Variants in STAMBP observed in about 807,000 individuals in gnomAD.
The protein encoded by STAMBP is STAM binding protein, also known as STAM-binding protein.
Under a neutral mutation model 50.7 loss-of-function variants are expected in STAMBP, and 31 were observed. That is an observed-to-expected ratio of 0.61 (90% CI 0.46 to 0.83). The LOEUF (loss-of-function observed/expected upper bound fraction) is 0.83, where lower values mean the gene tolerates loss of function less well. STAMBP is among the 40% of genes least tolerant of loss of function. The pLI is 0.00. For missense variants in STAMBP, 472 were observed against 518.9 expected (o/e 0.91, Z 0.88); for synonymous variants, 211 against 192.4 (o/e 1.10, Z -0.80).
chr2:73,847,275 C>G, intron 4 of STAMBP, 112 bp from the exon 5 acceptor site: 1 of 1,325,780 alleles, frequency 7.5e-7, no homozygotes, highest in Non-Finnish European at 1.0e-6. Context: ...GTTAGGTAAT[C>G]AGGCCACAGC....
chr2:73,849,496 A>G lies in STAMBP; in HGVS notation c.867+9A>G, dbSNP rs775063414. On this transcript the variant is annotated intron_variant, in intron 6 of 9. Transcript: ENST00000394070. ...TTCTCTGTGGAAAACTGGTAAAAAG[A>G]AAAAAAAAACCAAACTCTTCTCTGA... 321 of 1,510,138 alleles carry G rather than the reference A, an allele frequency of 2.1e-4. No homozygotes were observed. The highest frequency in any genetic ancestry group is 2.6e-4 in the Non-Finnish European group (289 of 1,121,030). 93.5% of individuals were successfully genotyped at this position (1,510,138 alleles called of 1,614,324 possible).
intron 2 of STAMBP, among the ~76,000 whole-genome samples, chr2:73,842,707 C>T (rs1675552460): frequency 6.6e-6 from 1 of 152,132 alleles, no homozygotes; most frequent in Non-Finnish European, 1.5e-5. Flanking sequence ...CTTAAAGTCA[C>T]AATTTCCAAG....
chr2:73,845,187 T>C lies in STAMBP; in HGVS notation c.300T>C (p.Phe100=). The change falls in exon 4 of 10, where the codon TTT becomes TTC. Residue 100 remains phenylalanine, a synonymous_variant. Transcript: ENST00000394070. The stretch of plus-strand genomic sequence containing the variant: ...CTCAGAAATTAAAGGAGATTGCATT[T>C]CCCAAAGCAGAAGAGCTGAAGGCAG... ...DTVKKLKEIA[F]PKAEELKAEL... 18 of 1,614,056 alleles carry C rather than the reference T, an allele frequency of 1.1e-5. 1 individual carries two copies. The South Asian group carries it at 2.0e-4, about 18-fold the overall frequency.
chr2:73,869,566 G>A (rs1332690198), downstream of STAMBP, among the ~76,000 whole-genome samples: 1 of 151,874 alleles, frequency 6.6e-6, no homozygotes, highest in Non-Finnish European at 1.5e-5. Flanking sequence ...AAAATTGAAA[G>A]AAAAAAAGAA....
Position 73,829,256 on chromosome 2 carries a change from CTTGAGTGCCTT to C in STAMBP, c.-266_-256del, listed in dbSNP as rs1673584937. 2 of 152,368 alleles carry C rather than the reference CTTGAGTGCCTT, an allele frequency of 1.3e-5. No individual in the cohort carries two copies. The highest frequency in any genetic ancestry group is 4.8e-5 in the African/African-American group (2 of 41,460). The allele number at this position is 152,368 out of a possible 1,614,324, so 9.4% of individuals were successfully genotyped here. On this transcript the variant is annotated 5_prime_UTR_variant, in exon 1 of 10. It removes the in-frame stop codon of an upstream open reading frame in the 5' UTR. Transcript: ENST00000394070. ...TTGTGCCTGGGGTTGGCAAGTTCGT[CTTGAGTGCCTT>C]CAAGAAGGGTTCCTCAAGCAGTTGT...
At chr2:73,856,988 T>C (rs544131437) in intron 7 of STAMBP, among the ~76,000 whole-genome samples, 1 of 152,310 alleles carries the variant, frequency 6.6e-6, no homozygotes. Context: ...AAGCCTTTTC[T>C]TCACACTTGG....
rs1674385114 is a variant in STAMBP at position 73,834,231 on chromosome 2, AAAAAAATATATATATATATATATATAT to A, written c.203+3174_203+3200del. 2.5e-4 allele frequency among the ~76,000 whole-genome samples: 4 copies of A among 16,178 alleles called. 1 individual carries two copies. The highest frequency in any genetic ancestry group is 9.8e-4 in the African/African-American group (4 of 4,100). The allele number at this position is 16,178 out of a possible 152,430, so 10.6% of individuals were successfully genotyped here. A position where few individuals can be genotyped will look rare whatever the true frequency, so the allele number is the denominator to read the frequency against. On this transcript the variant is annotated intron_variant, in intron 2 of 9. Coordinates refer to ENST00000394070, the MANE Select transcript of STAMBP (RefSeq NM_213622.4). ...TCTTAAAAAAAAAAAAAAAAAAAAA[AAAAAAATATATATATATATATATATAT>A]ATATATATATATATATATATATATA...
intron 7 of STAMBP, chr2:73,855,619 C>G (rs1677451360): frequency 2.2e-6 from 1 of 455,990 alleles, no homozygotes; most frequent in Non-Finnish European, 4.4e-6. Context: ...ATATTCTCAT[C>G]AGGTAGAAAC....
chr2:73,831,024 T>C lies in STAMBP; in HGVS notation c.168T>C (p.Ile56=), dbSNP rs1673848749. The C allele has an allele frequency of 6.2e-7, 1 of 1,614,190 alleles. No individual in the cohort carries two copies. Among genetic ancestry groups the C allele is most frequent in the South Asian group, 1.1e-5 (1 of 91,088 alleles). ...CCATTTACTCTGAGGAAGGCAACAT[T>C]GAACATGCCTTCATCCTCTATAACA... ...MASIYSEEGN[I]EHAFILYNKY... The change falls in exon 2 of 10, where the codon ATT becomes ATC. Residue 56 remains isoleucine (I), a synonymous_variant. Coordinates refer to ENST00000394070, the MANE Select transcript of STAMBP (RefSeq NM_213622.4).
chr2:73,832,108 T>TACACACAC (rs1553376119), intron 2 of STAMBP, among the ~76,000 whole-genome samples: 3 of 122,894 alleles, frequency 2.4e-5, no homozygotes, highest in Non-Finnish European at 4.9e-5. Context: ...TATATATATA[T>TACACACAC]ACACATATAT....
At position 73,847,377 on chromosome 2, in the gene STAMBP, C is replaced by A. The variant is rs200218722; in HGVS notation, c.376-10C>A. On this transcript the variant is annotated splice_polypyrimidine_tract_variant and intron_variant, in intron 4 of 9. Transcript: ENST00000394070. ...TGTGAAGTGTTAGCCTAAATTTTCT[C>A]TCTTTGTAGAAGAAGGAAGCAGAGG... 25 of 1,583,366 alleles carry A rather than the reference C, an allele frequency of 1.6e-5. No homozygotes were observed. Among genetic ancestry groups the A allele is most frequent in the Non-Finnish European group, 2.1e-5 (25 of 1,164,660 alleles).
At position 73,845,274 on chromosome 2, in the gene STAMBP, A is replaced by G. The variant is rs372214723; in HGVS notation, c.375+12A>G. The G allele has an allele frequency of 1.3e-5, 21 of 1,569,458 alleles. No homozygotes were observed. The African/African-American group carries it at 2.9e-4, about 21-fold the overall frequency. On this transcript the variant is annotated intron_variant, in intron 4 of 9. Coordinates refer to ENST00000394070, the MANE Select transcript of STAMBP (RefSeq NM_213622.4). Reference sequence around the variant, plus strand: ...ATAATGAAGAAAAGGTCAGTATATAACAGCTAAGAAGAAAATTATTTTGCT... The same window carrying G: ...ATAATGAAGAAAAGGTCAGTATATAGCAGCTAAGAAGAAAATTATTTTGCT...
chr2:73,844,573 T>C (rs2104453202), intron 2 of STAMBP: 1 of 292,600 alleles, frequency 3.4e-6, no homozygotes, highest in Non-Finnish European at 6.3e-6. Flanking sequence ...TTTGGCCATC[T>C]TTTTCATTGT....
In STAMBP at chr2:73,864,340, C is replaced by T. The variant is rs577783661; in HGVS notation, c.*2081C>T. The T allele has an allele frequency of 6.6e-6, 1 of 152,196 alleles. No homozygotes were observed. The highest frequency in any genetic ancestry group is 2.4e-5 in the African/African-American group (1 of 41,446). The allele number at this position is 152,196 out of a possible 1,614,324, so 9.4% of individuals were successfully genotyped here. On this transcript the variant is annotated 3_prime_UTR_variant, in exon 10 of 10. Coordinates refer to ENST00000394070, the MANE Select transcript of STAMBP (RefSeq NM_213622.4). ...CTGCTATATTTTCTTTTCTCTTCCTCTAGGCACAAGATATCTTAGTGGCTA... is the reference window on the plus strand; with the variant it reads ...CTGCTATATTTTCTTTTCTCTTCCTTTAGGCACAAGATATCTTAGTGGCTA...
intron 2 of STAMBP, among the ~76,000 whole-genome samples, chr2:73,843,986 T>A (rs757613267): frequency 5.3e-5 from 8 of 152,218 alleles, no homozygotes; most frequent in Non-Finnish European, 8.8e-5. Context: ...TATGGTGTAG[T>A]GGTTAAAAGA....
At position 73,845,683 on chromosome 2, in the gene STAMBP, G is replaced by A. The variant is rs200055258; in HGVS notation, c.375+421G>A. Among the ~76,000 whole-genome samples the A allele has an allele frequency of 5.4e-5, 8 of 149,498 alleles. 1 individual carries two copies. In the East Asian group the frequency reaches 1.6e-3, roughly 29 times the overall value. On this transcript the variant is annotated intron_variant, in intron 4 of 9. Transcript: ENST00000394070. ...GTCTCACTCTGTCGCCTAGGCTGGA[G>A]TGCAGTGGCACGATCTCAGCTCACT...
At chr2:73,856,599 A>G (rs1437958857) in intron 7 of STAMBP, among the ~76,000 whole-genome samples, 1 of 152,204 alleles carries the variant, frequency 6.6e-6, no homozygotes, top group African/African-American at 2.4e-5. Flanking sequence ...GCCATTCACA[A>G]TTGTTGAGGA....
downstream of STAMBP, among the ~76,000 whole-genome samples, chr2:73,868,134 A>AC (rs914876461): frequency 3.3e-5 from 5 of 151,898 alleles, no homozygotes; most frequent in African/African-American, 1.2e-4. Context: ...CAAAAAAAAA[A>AC]AAAAAACCCA....
intron 2 of STAMBP, among the ~76,000 whole-genome samples, chr2:73,835,133 G>A (rs922203173): frequency 1.3e-5 from 2 of 152,054 alleles, no homozygotes; most frequent in African/African-American, 2.4e-5. Context: ...CAGCACTTTG[G>A]GAGGCCACCC....
Sources: allele counts gnomAD v4.1 joint callset (sites outside exome capture counted in the v4.1 genomes callset), GRCh38; gene constraint gnomAD v4.1.1; transcripts MANE v1.5; gene names NCBI Gene and HGNC (gene_info 2026-07-23, HGNC 2026-07-21).